SWT1: variants seen among roughly 807,000 people sequenced by gnomAD.
SWT1 encodes transcriptional protein SWT1.
A neutral mutation model predicts 107.3 loss-of-function variants in SWT1; 33 were observed. That is an observed-to-expected ratio of 0.31 (90% CI 0.23 to 0.41). The LOEUF (loss-of-function observed/expected upper bound fraction) is 0.41. Ranked by LOEUF, SWT1 falls within the 10% of genes least tolerant of loss-of-function variation. The probability of loss-of-function intolerance (pLI) is 1.00; values close to 1 mark genes in which losing one functional copy is unlikely to be tolerated. For synonymous variants in SWT1, 345 were observed against 348.3 expected, an observed-to-expected ratio of 0.99 and a Z score of 0.11; for missense variants, 898 against 1,028.9, an observed-to-expected ratio of 0.87 and a Z score of 1.74.
At chr1:185,226,289 T>A (rs1660048043) in intron 15 of SWT1, among the ~76,000 whole-genome samples, 1 of 152,188 alleles carries the variant, frequency 6.6e-6, no homozygotes. Context: ...TATTAATACA[T>A]ATTTATTTAG....
At chr1:185,277,327 A>C (rs1664309547) in intron 18 of SWT1, among the ~76,000 whole-genome samples, 1 of 151,834 alleles carries the variant, frequency 6.6e-6, no homozygotes, top group Non-Finnish European at 1.5e-5. Context: ...CTTGTCGCAA[A>C]TGGTGCGACA....
chr1:185,230,941 G>T (rs139396220), intron 15 of SWT1, among the ~76,000 whole-genome samples: 130 of 152,160 alleles, frequency 8.5e-4, no homozygotes, highest in African/African-American at 3.1e-3. Flanking sequence ...TAGAGACAAG[G>T]TTGAACGATG....
chr1:185,236,569 CAA>C (rs1660894649), intron 16 of SWT1, among the ~76,000 whole-genome samples: 1 of 152,134 alleles, frequency 6.6e-6, no homozygotes, highest in African/African-American at 2.4e-5. Flanking sequence ...AAAATTAACT[CAA>C]GAGGGATTAA....
At chr1:185,173,042 CA>C (rs71555458) in intron 4 of SWT1, among the ~76,000 whole-genome samples, 1,605 of 87,346 alleles carry the variant, frequency 0.018, 12 homozygotes, top group African/African-American at 0.058. Context: ...GACTCCGTCT[CA>C]AAAAAAAAAA....
chr1:185,269,490 T>C (rs180987424), intron 16 of SWT1, among the ~76,000 whole-genome samples: 9 of 151,522 alleles, frequency 5.9e-5, no homozygotes, highest in African/African-American at 1.9e-4. Flanking sequence ...GTGTGCCCCC[T>C]CCAAGGGACC....
intron 18 of SWT1, 118 bp downstream of exon 18, chr1:185,276,786 T>A (rs961541928): frequency 4.4e-6 from 2 of 454,628 alleles, no homozygotes; most frequent in East Asian, 6.9e-5. Flanking sequence ...CTACACTGTT[T>A]TTTTTTACCT....
At chr1:185,265,293 A>AT (rs1219160308) in intron 16 of SWT1, among the ~76,000 whole-genome samples, 1 of 152,050 alleles carries the variant, frequency 6.6e-6, no homozygotes, top group Non-Finnish European at 1.5e-5. Context: ...TATATATGGC[A>AT]TTTTTTTCAA....
At chr1:185,261,820 T>C (rs191084379) in intron 16 of SWT1, among the ~76,000 whole-genome samples, 1 of 152,282 alleles carries the variant, frequency 6.6e-6, no homozygotes, top group East Asian at 1.9e-4. Context: ...ATAAAAGGAT[T>C]TTTCTTATGC....
At chr1:185,240,504 G>T (rs1175040577) in intron 16 of SWT1, among the ~76,000 whole-genome samples, 4 of 151,770 alleles carry the variant, frequency 2.6e-5, no homozygotes, top group Non-Finnish European at 5.9e-5. Flanking sequence ...ATATAGCTTA[G>T]TTTTTTTTCT....
intron 18 of SWT1, among the ~76,000 whole-genome samples, chr1:185,280,636 C>T (rs780355306): frequency 6.6e-5 from 10 of 152,186 alleles, no homozygotes; most frequent in Non-Finnish European, 1.3e-4. Context: ...TACCCCCTAT[C>T]CTCTCAGAAG....
chr1:185,290,742 C>G lies in SWT1; in HGVS notation c.2642C>G (p.Ser881Cys). The G allele has an allele frequency of 6.2e-7, 1 of 1,611,730 alleles. No homozygotes were observed. Among genetic ancestry groups the G allele is most frequent in the Non-Finnish European group, 8.5e-7 (1 of 1,178,466 alleles). ...TATACCATGCAGCAGTGCAATGCAT[C>G]TGTTTATATGGAGGCCAAAAACAGG... ...MEYTMQQCNASVYMEAKNRGW... is the reference protein window; with the variant it reads ...MEYTMQQCNACVYMEAKNRGW... The change falls in exon 19 of 19, where the codon TCT (serine) becomes TGT (cysteine). Residue 881 changes from serine to cysteine, a missense_variant. This residue lies in a region of SWT1 where 382 missense variants were observed against 460.0 expected (regional missense o/e 0.83). Coordinates refer to ENST00000367500, the MANE Select transcript of SWT1 (RefSeq NM_017673.7).
Position 185,227,409 on chromosome 1 carries a change from G to A in SWT1, c.2310-4168G>A, listed in dbSNP as rs556758160. On this transcript the variant is annotated intron_variant, in intron 15 of 18. Transcript: ENST00000367500. Reference sequence around the variant, plus strand: ...CAGCAGCAGGCCAGTACAATATGCCGCAGCATAATTTTTCAGGCCAGCCTT... The same window carrying A: ...CAGCAGCAGGCCAGTACAATATGCCACAGCATAATTTTTCAGGCCAGCCTT... 2.4e-4 allele frequency: 159 copies of A among 671,000 alleles called. No homozygotes were observed. The Middle Eastern group carries it at 2.6e-3, about 11-fold the overall frequency. 41.6% of individuals were successfully genotyped at this position (671,000 alleles called of 1,614,324 possible). A position where few individuals can be genotyped will look rare whatever the true frequency, so the allele number is the denominator to read the frequency against.
At chr1:185,263,062 C>T (rs1035447735) in intron 16 of SWT1, among the ~76,000 whole-genome samples, 12 of 152,302 alleles carry the variant, frequency 7.9e-5, no homozygotes, top group African/African-American at 2.9e-4. Flanking sequence ...GCTGGCATTA[C>T]AGGCATGAGC....
chr1:185,230,393 A>G (rs1261622183), intron 15 of SWT1, among the ~76,000 whole-genome samples: 1 of 152,134 alleles, frequency 6.6e-6, no homozygotes, highest in Non-Finnish European at 1.5e-5. Flanking sequence ...GATCTGTTTC[A>G]TGTCTTTCTC....
Position 185,168,377 on chromosome 1 carries a change from A to G in SWT1, c.203A>G (p.Lys68Arg). The change falls in exon 4 of 19, where the codon AAA becomes AGA. Residue 68 changes from lysine (K) to arginine (R), a missense_variant. By Grantham distance (26) the Lys-to-Arg change is conservative. Coordinates refer to ENST00000367500, the MANE Select transcript of SWT1 (RefSeq NM_017673.7). ...DHTDVLYYNI[K>R]RRQGLKRLSV... ...ACAGATGTTCTGTACTATAATATAA[A>G]AAGAAGACAAGGACTGAAAAGGTAA... 1 of 1,389,320 alleles carries G rather than the reference A, an allele frequency of 7.2e-7. No homozygotes were observed. The highest frequency in any genetic ancestry group is 1.4e-5 in the South Asian group (1 of 73,214). 86.1% of individuals were successfully genotyped at this position (1,389,320 alleles called of 1,614,324 possible).
chr1:185,279,999 T>G (rs1558100362), intron 18 of SWT1, among the ~76,000 whole-genome samples: 1 of 152,026 alleles, frequency 6.6e-6, no homozygotes, highest in Non-Finnish European at 1.5e-5. Flanking sequence ...TAATGAGAAG[T>G]GTATCTGTGC....
At chr1:185,232,567 G>A (rs1368120929) in intron 16 of SWT1, among the ~76,000 whole-genome samples, 1 of 152,158 alleles carries the variant, frequency 6.6e-6, no homozygotes, top group Non-Finnish European at 1.5e-5. Flanking sequence ...TATTTTAATA[G>A]AGATATATAT....
chr1:185,179,433 C>T (rs948710258), intron 5 of SWT1, among the ~76,000 whole-genome samples: 8 of 152,220 alleles, frequency 5.3e-5, no homozygotes, highest in African/African-American at 1.9e-4. Context: ...GTCTCATCCA[C>T]TCAGCAGAAA....
At chr1:185,209,334 C>T (rs959377576) in intron 13 of SWT1, among the ~76,000 whole-genome samples, 4 of 151,990 alleles carry the variant, frequency 2.6e-5, no homozygotes, top group African/African-American at 9.7e-5. Context: ...ACCCATCAAC[C>T]CATCATCTAC....
Sources: gnomAD v4.1 joint callset for allele counts (sites outside exome capture counted in the v4.1 genomes callset) on GRCh38, gnomAD v4.1.1 for gene constraint, gnomAD v4.1.1 regional missense constraint, MANE v1.5 for transcripts, NCBI Gene and HGNC (gene_info 2026-07-23, HGNC 2026-07-21) for gene names.